The following TXNDC16 variants were observed in gnomAD, a reference collection of about 807,000 sequenced individuals.
TXNDC16 encodes thioredoxin domain containing 16.
In TXNDC16, 74 loss-of-function variants were observed where a neutral mutation model predicts 85.6. The ratio of observed to expected loss-of-function variants is 0.86; its 90% CI spans 0.72 to 1.05. The LOEUF is 1.05. Ranked by LOEUF, TXNDC16 falls within the 50% of genes least tolerant of loss-of-function variation. The pLI, the probability that TXNDC16 is intolerant of heterozygous loss-of-function variation, is 0.00. For synonymous variants in TXNDC16, 335 were observed against 326.5 expected (o/e 1.03, Z -0.28); for missense variants, 959 against 947.0 (o/e 1.01, Z -0.17).
intron 14 of TXNDC16, among the ~76,000 whole-genome samples, chr14:52,477,662 G>A (rs992862813): frequency 1.2e-4 from 19 of 152,002 alleles, no homozygotes; most frequent in East Asian, 5.8e-4. Flanking sequence ...ACATTGGAGC[G>A]CCTAAATTTA....
rs71125111 is a variant in TXNDC16 at position 52,493,206 on chromosome 14, T to TACACACACAC, written c.757-2202_757-2201insGTGTGTGTGT. On this transcript the variant is annotated intron_variant, in intron 9 of 20. Transcript: ENST00000281741. ...CATGTCACTGTTCTATATATATATA[T>TACACACACAC]ATATATATATACACACACACACACA... Among the ~76,000 whole-genome samples the TACACACACAC allele has an allele frequency of 1.5e-4, 20 of 132,398 alleles. No homozygotes were observed. The South Asian group carries it at 2.0e-3, about 13-fold the overall frequency. 86.9% of individuals were successfully genotyped at this position (132,398 alleles called of 152,430 possible). A position where few individuals can be genotyped will look rare whatever the true frequency, so the allele number is the denominator to read the frequency against.
At chr14:52,495,887 T>C (rs1273951172) in intron 9 of TXNDC16, among the ~76,000 whole-genome samples, 6 of 152,050 alleles carry the variant, frequency 3.9e-5, no homozygotes, top group East Asian at 1.9e-4. Context: ...TCGGCCACCA[T>C]GGTGGCTCAC....
chr14:52,522,881 G>T (rs532356777), intron 6 of TXNDC16, among the ~76,000 whole-genome samples: 2 of 152,124 alleles, frequency 1.3e-5, no homozygotes, highest in Non-Finnish European at 2.9e-5. Flanking sequence ...TCTGAAAGCA[G>T]AACTATCATT....
intron 1 of TXNDC16, among the ~76,000 whole-genome samples, chr14:52,545,267 C>T (rs2037918445): frequency 6.6e-6 from 1 of 152,038 alleles, no homozygotes; most frequent in African/African-American, 2.4e-5. Flanking sequence ...AAGGTCTAAC[C>T]ATACAGCCAA....
At chr14:52,480,848 G>T (rs1314886757) in intron 14 of TXNDC16, among the ~76,000 whole-genome samples, 1 of 151,524 alleles carries the variant, frequency 6.6e-6, no homozygotes, top group Non-Finnish European at 1.5e-5. Context: ...ATATGAAAAA[G>T]ATACTTGCAC....
At chr14:52,448,761 A>G (rs893278903) in intron 18 of TXNDC16, among the ~76,000 whole-genome samples, 2 of 152,160 alleles carry the variant, frequency 1.3e-5, no homozygotes, top group East Asian at 3.8e-4. Flanking sequence ...AGATATAAAT[A>G]GAAGCAATAA....
intron 9 of TXNDC16, among the ~76,000 whole-genome samples, chr14:52,491,548 C>A (rs187956002): frequency 2.1e-4 from 32 of 150,492 alleles, no homozygotes; most frequent in Admixed American, 2.0e-4. Context: ...AGAAGTTAAA[C>A]CAAAAATTAC....
chr14:52,462,511 C>T (rs574672024), intron 16 of TXNDC16, among the ~76,000 whole-genome samples: 49 of 152,288 alleles, frequency 3.2e-4, no homozygotes, highest in African/African-American at 1.2e-3. Flanking sequence ...GACAGGGTTT[C>T]ACCATGTTGC....
chr14:52,437,645 A>G (rs1293425963), intron 20 of TXNDC16, among the ~76,000 whole-genome samples: 2 of 152,212 alleles, frequency 1.3e-5, no homozygotes, highest in African/African-American at 4.8e-5. Context: ...AATGGAATAA[A>G]ATATTAGCAA....
intron 12 of TXNDC16, among the ~76,000 whole-genome samples, chr14:52,484,207 G>T (rs1406657532): frequency 6.7e-6 from 1 of 148,680 alleles, no homozygotes; most frequent in African/African-American, 2.5e-5. Context: ...AAGGGGGGGG[G>T]GTGATTGGAG....
intron 18 of TXNDC16, among the ~76,000 whole-genome samples, chr14:52,449,855 G>A (rs1048737468): frequency 6.6e-6 from 1 of 152,020 alleles, no homozygotes; most frequent in Non-Finnish European, 1.5e-5. Context: ...TGAATGACCA[G>A]TGGGGTCAAT....
chr14:52,538,582 T>G (rs1425944041), intron 4 of TXNDC16, among the ~76,000 whole-genome samples: 1 of 151,832 alleles, frequency 6.6e-6, no homozygotes, highest in African/African-American at 2.4e-5. Flanking sequence ...ACAAATACAA[T>G]ACATACAACT....
At chr14:52,492,205 C>T (rs532470180) in intron 9 of TXNDC16, among the ~76,000 whole-genome samples, 117 of 152,264 alleles carry the variant, frequency 7.7e-4, no homozygotes, top group Non-Finnish European at 1.4e-3. Context: ...AATGTTGAGA[C>T]GTTCCCCTCA....
intron 17 of TXNDC16, among the ~76,000 whole-genome samples, chr14:52,456,462 T>C (rs2035537140): frequency 2.0e-5 from 3 of 152,070 alleles, no homozygotes; most frequent in South Asian, 2.1e-4. Flanking sequence ...GTGTTCAAGA[T>C]GAAAGATTTA....
intron 12 of TXNDC16, among the ~76,000 whole-genome samples, chr14:52,486,316 C>T (rs973414273): frequency 1.4e-5 from 2 of 139,036 alleles, no homozygotes; most frequent in African/African-American, 5.3e-5. Context: ...CAGGGTCTCA[C>T]TCTGTTGCCC....
chr14:52,470,857 C>A (rs2035890871), intron 14 of TXNDC16, among the ~76,000 whole-genome samples, 177 bp from the exon 15 acceptor site: 1 of 152,188 alleles, frequency 6.6e-6, no homozygotes. Flanking sequence ...CTTTTCCCTT[C>A]CTTTCTAGCT....
At chr14:52,533,368 G>C (rs1277912304) in intron 6 of TXNDC16, among the ~76,000 whole-genome samples, 2 of 152,084 alleles carry the variant, frequency 1.3e-5, no homozygotes, top group Non-Finnish European at 2.9e-5. Flanking sequence ...TACCTCCTAA[G>C]CATTAAAAAG....
chr14:52,525,286 A>C (rs1410410031), intron 6 of TXNDC16, among the ~76,000 whole-genome samples: 1 of 152,140 alleles, frequency 6.6e-6, no homozygotes, highest in Non-Finnish European at 1.5e-5. Flanking sequence ...CAAAATCCGT[A>C]ACACATTATT....
chr14:52,480,983 A>G (rs1304703837), intron 14 of TXNDC16, among the ~76,000 whole-genome samples: 6 of 146,006 alleles, frequency 4.1e-5, no homozygotes, highest in East Asian at 3.9e-4. Context: ...ATGTATATAT[A>G]TATATATATA....
Sources: gnomAD v4.1 joint callset for allele counts (sites outside exome capture counted in the v4.1 genomes callset) on GRCh38, gnomAD v4.1.1 for gene constraint, MANE v1.5 for transcripts, NCBI Gene and HGNC (gene_info 2026-07-23, HGNC 2026-07-21) for gene names.